BNC2: variants seen among roughly 807,000 people sequenced by gnomAD.
BNC2 encodes basonuclin zinc finger protein 2.
BNC2 carries 20 observed loss-of-function variants against 76.3 expected under a neutral mutation model. The observed-to-expected ratio is 0.26, with a 90% CI of 0.18 to 0.38. The LOEUF (loss-of-function observed/expected upper bound fraction) is 0.38. Among genes scored for constraint, BNC2 ranks in the 10% least tolerant of loss-of-function variants. The pLI, the probability that BNC2 is intolerant of heterozygous loss-of-function variation, is 1.00. For synonymous variants in BNC2, 582 were observed against 514.8 expected (o/e 1.13, Z -1.77); for missense variants, 1,382 against 1,399.8 (o/e 0.99, Z 0.20).
At position 16,435,889 on chromosome 9, in the gene BNC2, G is replaced by T. The variant is rs538653615; in HGVS notation, c.2305C>A (p.Gln769Lys). 1.9e-6 allele frequency: 3 copies of T among 1,613,890 alleles called. No homozygotes were observed. The African/African-American group carries it at 4.0e-5, about 22-fold the overall frequency. ...PDENHSEPSH[Q>K]DVIKVKEEFT... ...TCTTCCTTCACCTTGATGACGTCCTGGTGAGAGGGCTCACTGTGGTTCTCA... is the reference window on the plus strand; with the variant it reads ...TCTTCCTTCACCTTGATGACGTCCTTGTGAGAGGGCTCACTGTGGTTCTCA... The change falls in exon 6 of 7, where the codon CAG (glutamine) becomes AAG (lysine). Residue 769 changes from glutamine to lysine, a missense_variant. Gln to Lys is a moderately conservative substitution (Grantham distance 53). Transcript: ENST00000380672.
At chr9:16,554,854 T>C (rs949029129) in intron 4 of BNC2, among the ~76,000 whole-genome samples, 6 of 152,044 alleles carry the variant, frequency 3.9e-5, no homozygotes, top group South Asian at 4.1e-4. Context: ...CAGGAGTCAG[T>C]AGAAAGGAAA....
chr9:16,460,648 A>C (rs113523858), intron 5 of BNC2, among the ~76,000 whole-genome samples: 1 of 152,064 alleles, frequency 6.6e-6, no homozygotes, highest in African/African-American at 2.4e-5. Flanking sequence ...ACAAAATACA[A>C]TGCAATCCTC....
At chr9:16,771,640 C>G (rs1462130628) in intron 1 of BNC2, among the ~76,000 whole-genome samples, 1 of 152,182 alleles carries the variant, frequency 6.6e-6, no homozygotes, top group South Asian at 2.1e-4. Context: ...ACTATAATGA[C>G]AAGACAAAGC....
chr9:16,785,282 T>C (rs761057069), intron 1 of BNC2, among the ~76,000 whole-genome samples: 1 of 152,204 alleles, frequency 6.6e-6, no homozygotes, highest in Non-Finnish European at 1.5e-5. Flanking sequence ...TGTTTAATAG[T>C]GTGGATGAAC....
chr9:16,410,147 C>T lies in BNC2; in HGVS notation c.*8842G>A, dbSNP rs1820430705. The T allele has an allele frequency of 1.3e-5, 2 of 152,150 alleles. No homozygotes were observed. The highest frequency in any genetic ancestry group is 2.1e-4 in the South Asian group (1 of 4,822). 9.4% of individuals were successfully genotyped at this position (152,150 alleles called of 1,614,324 possible). A position where few individuals can be genotyped will look rare whatever the true frequency, so the allele number is the denominator to read the frequency against. On this transcript the variant is annotated 3_prime_UTR_variant, in exon 7 of 7. Coordinates refer to ENST00000380672, the MANE Select transcript of BNC2 (RefSeq NM_017637.6). ...AGGGATCTTGCTAGTTCTAAAAGGC[C>T]TAGTCCATCACCAGCAGGAGAGAAC...
At chr9:16,779,126 A>AAAG (rs1257271609) in intron 1 of BNC2, among the ~76,000 whole-genome samples, 3 of 119,888 alleles carry the variant, frequency 2.5e-5, no homozygotes, top group African/African-American at 1.1e-4. Flanking sequence ...AAAAAAAAAA[A>AAAG]AAAAAAAAGA....
At chr9:16,483,097 C>T (rs1049083192) in intron 5 of BNC2, among the ~76,000 whole-genome samples, 3 of 152,188 alleles carry the variant, frequency 2.0e-5, no homozygotes, top group African/African-American at 7.2e-5. Flanking sequence ...TGGATCTTAA[C>T]ACCATGCACT....
At chr9:16,490,367 C>T (rs1051538047) in intron 5 of BNC2, among the ~76,000 whole-genome samples, 4 of 152,182 alleles carry the variant, frequency 2.6e-5, no homozygotes, top group Admixed American at 6.5e-5. Context: ...AGCAAGGGAA[C>T]GACCAGCCCC....
At chr9:16,741,154 A>G (rs1226785852) in intron 1 of BNC2, among the ~76,000 whole-genome samples, 1 of 152,180 alleles carries the variant, frequency 6.6e-6, no homozygotes, top group East Asian at 1.9e-4. Flanking sequence ...AGAAGGAAGA[A>G]AACATTGGGT....
At chr9:16,672,652 C>T (rs1328819270) in intron 3 of BNC2, among the ~76,000 whole-genome samples, 1 of 152,180 alleles carries the variant, frequency 6.6e-6, no homozygotes, top group South Asian at 2.1e-4. Flanking sequence ...TAAATCCATT[C>T]TCTTTATGAG....
intron 5 of BNC2, among the ~76,000 whole-genome samples, chr9:16,504,085 C>T (rs982645452): frequency 5.9e-5 from 9 of 152,040 alleles, no homozygotes; most frequent in African/African-American, 2.2e-4. Flanking sequence ...AACACATCAC[C>T]TGCACCTACT....
At chr9:16,765,246 G>T (rs940430355) in intron 1 of BNC2, among the ~76,000 whole-genome samples, 3 of 152,012 alleles carry the variant, frequency 2.0e-5, no homozygotes, top group African/African-American at 7.3e-5. Context: ...ATGTTTTCTG[G>T]GGTCACAATG....
At chr9:16,668,208 G>T (rs1464776016) in intron 3 of BNC2, among the ~76,000 whole-genome samples, 1 of 152,170 alleles carries the variant, frequency 6.6e-6, no homozygotes, top group Non-Finnish European at 1.5e-5. Flanking sequence ...GGCTAGTCTG[G>T]AAGAGATCCT....
rs2119028669 is a variant in BNC2, at chr9:16,418,962, C to G, written c.*27G>C. 6.2e-7 allele frequency: 1 copy of G among 1,611,970 alleles called. No individual in the cohort carries two copies. The highest frequency in any genetic ancestry group is 1.3e-5 in the African/African-American group (1 of 74,882). ...AAACACGTAGGCCATCTGGTGAGAG[C>G]TGGCATTTGTAGTGTCCATTCTGAG... is the stretch of plus-strand genomic sequence containing the variant. On this transcript the variant is annotated 3_prime_UTR_variant, in exon 7 of 7. Coordinates refer to ENST00000380672, the MANE Select transcript of BNC2 (RefSeq NM_017637.6).
intron 3 of BNC2, among the ~76,000 whole-genome samples, chr9:16,630,213 A>C (rs1469056735): frequency 6.6e-6 from 1 of 152,242 alleles, no homozygotes; most frequent in African/African-American, 2.4e-5. Context: ...TTTTAAAAAA[A>C]TATTGACTCA....
At chr9:16,422,628 A>G in intron 6 of BNC2, among the ~76,000 whole-genome samples, 2 of 152,352 alleles carry the variant, frequency 1.3e-5, no homozygotes, top group East Asian at 3.9e-4. Flanking sequence ...TGGACTGAGG[A>G]AAGTCTGCTG....
intron 5 of BNC2, among the ~76,000 whole-genome samples, chr9:16,440,364 C>G (rs1461010865): frequency 6.6e-6 from 1 of 152,182 alleles, no homozygotes; most frequent in Non-Finnish European, 1.5e-5. Context: ...AAGTCTTTCT[C>G]TAGAGTGCTA....
At chr9:16,600,269 A>G (rs1372470105) in intron 3 of BNC2, among the ~76,000 whole-genome samples, 1 of 152,200 alleles carries the variant, frequency 6.6e-6, no homozygotes, top group Non-Finnish European at 1.5e-5. Context: ...ATGATTTTTC[A>G]CTGAAACATT....
chr9:16,630,490 G>T (rs1482474870), intron 3 of BNC2, among the ~76,000 whole-genome samples: 2 of 152,012 alleles, frequency 1.3e-5, no homozygotes, highest in African/African-American at 2.4e-5. Flanking sequence ...GAATACAAAA[G>T]ACAAGTGAAA....
Sources: gnomAD v4.1 joint callset for allele counts (sites outside exome capture counted in the v4.1 genomes callset) on GRCh38, gnomAD v4.1.1 for gene constraint, MANE v1.5 for transcripts, NCBI Gene and HGNC (gene_info 2026-07-23, HGNC 2026-07-21) for gene names.